The following THSD7B variants were observed in gnomAD, a reference collection of about 807,000 sequenced individuals.
THSD7B encodes thrombospondin type-1 domain-containing protein 7B.
THSD7B carries 138 observed loss-of-function variants against 213.6 expected under a neutral mutation model. The observed-to-expected ratio is 0.65, with a 90% confidence interval of 0.56 to 0.74. The LOEUF is 0.74. THSD7B is among the 30% of genes least tolerant of loss of function. The pLI is 0.00. For missense variants in THSD7B, 1,931 were observed against 1,991.5 expected (o/e 0.97, Z 0.58); for synonymous variants, 742 against 687.0 (o/e 1.08, Z -1.25).
chr2:137,320,814 C>T (rs986747785), intron 12 of THSD7B, among the ~76,000 whole-genome samples: 19 of 152,150 alleles, frequency 1.2e-4, no homozygotes, highest in South Asian at 2.1e-4. Flanking sequence ...TCTTCTTCTT[C>T]GACTAATAAC....
In THSD7B at chr2:137,167,799, C is replaced by T. The variant is rs75799584; in HGVS notation, c.1526-2942C>T. Among the ~76,000 whole-genome samples the T allele has an allele frequency of 8.7e-3, 1,324 of 152,298 alleles. 20 individuals carry two copies. The highest frequency in any genetic ancestry group is 0.03 in the African/African-American group (1,250 of 41,556). On this transcript the variant is annotated intron_variant, in intron 6 of 27. Transcript: ENST00000409968. ...AAATGTTGATTATGGCTCTCCCCTG[C>T]TGTGCAGCATCTAAAATTCCACTGT...
At chr2:137,425,674 G>C (rs1687039119) in intron 14 of THSD7B, among the ~76,000 whole-genome samples, 1 of 152,128 alleles carries the variant, frequency 6.6e-6, no homozygotes, top group Admixed American at 6.5e-5. Flanking sequence ...AGGGTTGATT[G>C]TATTTAAAAA....
intron 12 of THSD7B, among the ~76,000 whole-genome samples, chr2:137,402,829 A>C (rs1332742419): frequency 6.6e-6 from 1 of 152,040 alleles, no homozygotes; most frequent in African/African-American, 2.4e-5. Context: ...AAAAAAAAAA[A>C]AAAAAGGTTT....
chr2:136,854,467 C>A (rs1683148954), intron 1 of THSD7B, among the ~76,000 whole-genome samples: 1 of 151,824 alleles, frequency 6.6e-6, no homozygotes, highest in Non-Finnish European at 1.5e-5. Flanking sequence ...TTTCTAACCA[C>A]CCCGCACTCC....
intron 2 of THSD7B, among the ~76,000 whole-genome samples, chr2:137,032,421 C>T (rs1686693350): frequency 6.6e-6 from 1 of 152,170 alleles, no homozygotes; most frequent in Admixed American, 6.5e-5. Context: ...AACTGGTTCA[C>T]ATCTGGTGAC....
chr2:137,487,224 C>T (rs1317879740), intron 15 of THSD7B, among the ~76,000 whole-genome samples: 9 of 147,554 alleles, frequency 6.1e-5, no homozygotes, highest in East Asian at 2.0e-4. Context: ...AAAAATTAGC[C>T]GGGCGCAGTG....
At chr2:137,162,101 G>A (rs1231257224) in intron 6 of THSD7B, among the ~76,000 whole-genome samples, 1 of 152,190 alleles carries the variant, frequency 6.6e-6, no homozygotes, top group African/African-American at 2.4e-5. Context: ...TTGATAACCA[G>A]CCTAAGTCAG....
chr2:137,484,478 CAT>C (rs1688382923), intron 15 of THSD7B, among the ~76,000 whole-genome samples: 1 of 113,166 alleles, frequency 8.8e-6, no homozygotes, highest in East Asian at 2.5e-4. Flanking sequence ...CCGCAATAAA[CAT>C]ATGTGTGCAT....
chr2:137,238,579 C>A (rs1180271604), intron 9 of THSD7B, among the ~76,000 whole-genome samples: 1 of 103,902 alleles, frequency 9.6e-6, no homozygotes, highest in Non-Finnish European at 1.7e-5. Flanking sequence ...CGGAGTCTCG[C>A]TCTGTCGCCC....
intron 14 of THSD7B, among the ~76,000 whole-genome samples, chr2:137,418,913 C>CTTTTTT (rs112003243): frequency 6.7e-6 from 1 of 149,368 alleles, no homozygotes; most frequent in African/African-American, 2.5e-5. Flanking sequence ...ATATGTCTCA[C>CTTTTTT]TTTTTTTTTT....
At chr2:137,140,515 G>A (rs931870905) in intron 5 of THSD7B, among the ~76,000 whole-genome samples, 1 of 151,986 alleles carries the variant, frequency 6.6e-6, no homozygotes, top group African/African-American at 2.4e-5. Context: ...CAAAAATTCC[G>A]TGTCATTTAA....
At chr2:137,313,965 G>T (rs377377608) in intron 12 of THSD7B, among the ~76,000 whole-genome samples, 1 of 152,148 alleles carries the variant, frequency 6.6e-6, no homozygotes, top group Admixed American at 6.5e-5. Flanking sequence ...CAACTTTGGT[G>T]AATCTGACAA....
At chr2:137,599,013 C>A (rs1372982267) in intron 17 of THSD7B, among the ~76,000 whole-genome samples, 1 of 147,940 alleles carries the variant, frequency 6.8e-6, no homozygotes. Context: ...AGGTATATCT[C>A]CCAATGCTAT....
intron 5 of THSD7B, among the ~76,000 whole-genome samples, chr2:137,135,332 C>T (rs1335219865): frequency 6.6e-6 from 1 of 152,162 alleles, no homozygotes; most frequent in African/African-American, 2.4e-5. Flanking sequence ...TATTATAATG[C>T]TTGTCTGAAG....
chr2:137,625,372 G>A (rs1682603286), intron 20 of THSD7B, among the ~76,000 whole-genome samples: 2 of 151,712 alleles, frequency 1.3e-5, no homozygotes, highest in South Asian at 4.2e-4. Flanking sequence ...AATACCTAGT[G>A]TAAACAACGA....
At chr2:137,331,983 C>G (rs554142265) in intron 12 of THSD7B, among the ~76,000 whole-genome samples, 54 of 152,284 alleles carry the variant, frequency 3.5e-4, no homozygotes, top group African/African-American at 1.3e-3. Flanking sequence ...CCCACTCGCG[C>G]CTCTCCCTCC....
chr2:137,178,888 C>G (rs1159219173), intron 7 of THSD7B, among the ~76,000 whole-genome samples: 3 of 152,180 alleles, frequency 2.0e-5, no homozygotes, highest in African/African-American at 7.2e-5. Flanking sequence ...AAATAAATGA[C>G]TGTTCCCATC....
chr2:137,559,794 A>G (rs1198578110), intron 15 of THSD7B, among the ~76,000 whole-genome samples: 1 of 152,214 alleles, frequency 6.6e-6, no homozygotes, highest in Non-Finnish European at 1.5e-5. Flanking sequence ...AGAATGGGAG[A>G]AAATTTTTGC....
chr2:137,527,811 A>AT (rs753694867), intron 15 of THSD7B, among the ~76,000 whole-genome samples: 4 of 152,132 alleles, frequency 2.6e-5, no homozygotes, highest in Non-Finnish European at 5.9e-5. Context: ...TTTGGAGGAT[A>AT]TTAGGACAGC....
Sources: gnomAD v4.1 joint callset for allele counts (sites outside exome capture counted in the v4.1 genomes callset) on GRCh38, gnomAD v4.1.1 for gene constraint, MANE v1.5 for transcripts, NCBI Gene and HGNC (gene_info 2026-07-23, HGNC 2026-07-21) for gene names.